Variants in THSD7A observed in about 807,000 individuals in gnomAD.
The protein encoded by THSD7A is thrombospondin type-1 domain-containing protein 7A.
In THSD7A, 96 loss-of-function variants were observed where a neutral mutation model predicts 231.3. The observed-to-expected ratio is 0.41, with a 90% CI of 0.35 to 0.49. The LOEUF (loss-of-function observed/expected upper bound fraction) is 0.49, where lower values mean the gene tolerates loss of function less well. Ranked by LOEUF, THSD7A falls within the 20% of genes least tolerant of loss-of-function variation. THSD7A has a pLI of 0.05. For synonymous variants in THSD7A, 940 were observed against 743.3 expected (o/e 1.26, Z -4.30); for missense variants, 2,290 against 2,070.2 (o/e 1.11, Z -2.06).
chr7:11,638,196 G>C (rs1408341302), intron 1 of THSD7A, among the ~76,000 whole-genome samples: 2 of 152,180 alleles, frequency 1.3e-5, no homozygotes, highest in African/African-American at 2.4e-5. Flanking sequence ...TTCTACTGTG[G>C]AAATTTGAAA....
intron 6 of THSD7A, among the ~76,000 whole-genome samples, chr7:11,501,764 T>C (rs1411684225): frequency 6.6e-6 from 1 of 151,886 alleles, no homozygotes; most frequent in Non-Finnish European, 1.5e-5. Context: ...TAGGAGAAGA[T>C]GAGAAATAAC....
rs1312323177 is a variant in THSD7A at position 11,538,290 on chromosome 7, A to AGT, written c.1822+3127_1822+3128dup. Among the ~76,000 whole-genome samples, 4 of 152,244 alleles carry AGT rather than the reference A, an allele frequency of 2.6e-5. No individual in the cohort carries two copies. In the South Asian group the frequency reaches 8.3e-4, roughly 32 times the overall value. On this transcript the variant is annotated intron_variant, in intron 6 of 27. Coordinates refer to ENST00000423059, the MANE Select transcript of THSD7A (RefSeq NM_015204.3). ...TTTTTTTTCGAAAGTCACATGGAAAAGTGTCAATATTCGATATCTGAAATA... is the reference window on the plus strand; with the variant it reads ...TTTTTTTTCGAAAGTCACATGGAAAAGTGTGTCAATATTCGATATCTGAAATA...
chr7:11,447,080 C>T, intron 12 of THSD7A, 150 bp downstream of exon 12: 1 of 759,822 alleles, frequency 1.3e-6, no homozygotes, highest in Non-Finnish European at 2.1e-6. Context: ...GTACATAATG[C>T]TTTTATCACT....
chr7:11,792,212 G>C (rs1396880849), intron 1 of THSD7A, among the ~76,000 whole-genome samples: 2 of 151,804 alleles, frequency 1.3e-5, no homozygotes, highest in African/African-American at 4.8e-5. Flanking sequence ...TGCCCTTTCT[G>C]GCTTGACTAT....
At chr7:11,448,753 C>T (rs762707295) in intron 11 of THSD7A, among the ~76,000 whole-genome samples, 7 of 152,108 alleles carry the variant, frequency 4.6e-5, no homozygotes, top group Non-Finnish European at 8.8e-5. Flanking sequence ...AATGCAACTG[C>T]TTCAGGCCTA....
At position 11,802,068 on chromosome 7, in the gene THSD7A, C is replaced by T. The variant is rs930798411; in HGVS notation, c.190+29689G>A. On this transcript the variant is annotated intron_variant, in intron 1 of 27. Transcript: ENST00000423059. ...TAACAATTTCTAACCACAAAACTTC[C>T]GTCACAAGGCTGACAATTTTCTCAA... Among the ~76,000 whole-genome samples, 7 of 152,118 alleles carry T rather than the reference C, an allele frequency of 4.6e-5. No individual in the cohort carries two copies. In the East Asian group the frequency reaches 7.7e-4, roughly 17 times the overall value.
chr7:11,388,375 T>G (rs1159764122), intron 23 of THSD7A, among the ~76,000 whole-genome samples: 3 of 151,310 alleles, frequency 2.0e-5, no homozygotes, highest in Non-Finnish European at 4.4e-5. Context: ...TTTTAGAACT[T>G]GTCGTCTATT....
chr7:11,395,855 T>C (rs189157789), intron 23 of THSD7A, among the ~76,000 whole-genome samples: 2 of 152,024 alleles, frequency 1.3e-5, no homozygotes, highest in African/African-American at 4.8e-5. Context: ...AGCACCACAT[T>C]GCATTTTTTC....
chr7:11,401,996 C>T (rs1287899674), intron 22 of THSD7A, 28 bp from the exon 23 acceptor site: 3 of 1,590,066 alleles, frequency 1.9e-6, no homozygotes, highest in Non-Finnish European at 2.6e-6. Flanking sequence ...GTAATTTACA[C>T]CCATATCCAC....
At chr7:11,562,400 A>G (rs1471941146) in intron 4 of THSD7A, among the ~76,000 whole-genome samples, 1 of 152,224 alleles carries the variant, frequency 6.6e-6, no homozygotes, top group Non-Finnish European at 1.5e-5. Flanking sequence ...AAGGTTGAGA[A>G]AAATGCAATA....
chr7:11,611,787 AACAC>A (rs56683135), intron 2 of THSD7A, among the ~76,000 whole-genome samples: 5,351 of 138,672 alleles, frequency 0.039, 139 homozygotes, highest in African/African-American at 0.076. Flanking sequence ...AGTACCATAA[AACAC>A]ACACACACAC....
rs58270445 is a variant in THSD7A at position 11,500,945 on chromosome 7, G to GAA, written c.1823-18965_1823-18964dup. Among the ~76,000 whole-genome samples the GAA allele has an allele frequency of 6.8e-3, 822 of 120,562 alleles. 4 individuals carry two copies. The highest frequency in any genetic ancestry group is 0.034 in the Middle Eastern group (8 of 234). The allele number at this position is 120,562 out of a possible 152,430, so 79.1% of individuals were successfully genotyped here. A position where few individuals can be genotyped will look rare whatever the true frequency, so the allele number is the denominator to read the frequency against. On this transcript the variant is annotated intron_variant, in intron 6 of 27. Transcript: ENST00000423059. ...TGAAACTCTGTCTCAAAAAAAGAAA[G>GAA]AAAAAAAAAAAGAAAAAAAGGAGTT...
At chr7:11,819,495 A>G (rs1784804200) in intron 1 of THSD7A, among the ~76,000 whole-genome samples, 1 of 152,196 alleles carries the variant, frequency 6.6e-6, no homozygotes, top group Admixed American at 6.5e-5. Context: ...AAAAGAAATG[A>G]GCTGTCAAGC....
chr7:11,533,146 G>C (rs1221866094), intron 6 of THSD7A, among the ~76,000 whole-genome samples: 1 of 152,172 alleles, frequency 6.6e-6, no homozygotes, highest in Non-Finnish European at 1.5e-5. Flanking sequence ...AACGTTTTAA[G>C]GGTGTTGCAT....
At chr7:11,692,939 A>G (rs17833598) in intron 1 of THSD7A, among the ~76,000 whole-genome samples, 22,399 of 151,518 alleles carry the variant, frequency 0.15, 1,785 homozygotes, top group Admixed American at 0.19. Flanking sequence ...TAAGTCACTT[A>G]TCTGGATACT....
At chr7:11,812,333 A>T (rs1205831772) in intron 1 of THSD7A, among the ~76,000 whole-genome samples, 2 of 152,218 alleles carry the variant, frequency 1.3e-5, no homozygotes, top group Non-Finnish European at 2.9e-5. Context: ...TTTAAAATGT[A>T]AATATACTGA....
rs752154188 is a variant in THSD7A, at chr7:11,831,421, T to C, written c.190+336A>G. Among the ~76,000 whole-genome samples the C allele has an allele frequency of 1.3e-4, 20 of 152,188 alleles. No homozygotes were observed. The highest frequency in any genetic ancestry group is 2.5e-4 in the Non-Finnish European group (17 of 68,032). The stretch of plus-strand genomic sequence containing the variant: ...AAAGACTGAGACTAAACTCTTTGCT[T>C]GTTCTTTGCTAGAAATCTGTTTGAG... On this transcript the variant is annotated intron_variant, in intron 1 of 27. Transcript: ENST00000423059. This position sits in a 1 kb window ranked among gnomAD's most constrained non-coding sequence, Gnocchi z 5.0.
At position 11,408,503 on chromosome 7, in the gene THSD7A, T is replaced by TAA. The variant is rs11372558; in HGVS notation, c.3799-1082_3799-1081dup. Among the ~76,000 whole-genome samples the TAA allele has an allele frequency of 9.3e-3, 1,256 of 135,368 alleles. 15 individuals are homozygous for TAA. Among genetic ancestry groups the TAA allele is most frequent in the Non-Finnish European group, 0.012 (754 of 61,746 alleles). The allele number at this position is 135,368 out of a possible 152,430, so 88.8% of individuals were successfully genotyped here. A position where few individuals can be genotyped will look rare whatever the true frequency, so the allele number is the denominator to read the frequency against. On this transcript the variant is annotated intron_variant, in intron 19 of 27. Coordinates refer to ENST00000423059, the MANE Select transcript of THSD7A (RefSeq NM_015204.3). ...ATAGAGCAAGACTCTGTCTCCAAAA[T>TAA]AAAAAAAAAAAAATGAAAAGAAAGA...
intron 1 of THSD7A, among the ~76,000 whole-genome samples, chr7:11,664,640 A>G (rs1783051919): frequency 6.6e-6 from 1 of 152,012 alleles, no homozygotes; most frequent in Non-Finnish European, 1.5e-5. Flanking sequence ...ACATAGGAAC[A>G]TAAAAGATGA....
Sources: allele counts gnomAD v4.1 joint callset (sites outside exome capture counted in the v4.1 genomes callset), GRCh38; gene constraint gnomAD v4.1.1; non-coding constraint Gnocchi (gnomAD v3.1); transcripts MANE v1.5; gene names NCBI Gene and HGNC (gene_info 2026-07-23, HGNC 2026-07-21).